Variants in PCBP3 observed in about 807,000 individuals in gnomAD.
PCBP3 encodes poly(rC)-binding protein 3.
Under a neutral mutation model 52.7 loss-of-function variants are expected in PCBP3, and 25 were observed. The ratio of observed to expected loss-of-function variants is 0.47; its 90% CI spans 0.35 to 0.66. PCBP3 has a LOEUF of 0.66. Among genes scored for constraint, PCBP3 ranks in the 30% least tolerant of loss-of-function variants. The pLI is 0.01. For synonymous variants in PCBP3, 162 were observed against 183.0 expected, an observed-to-expected ratio of 0.89 and a Z score of 0.93; for missense variants, 391 against 490.3, an observed-to-expected ratio of 0.80 and a Z score of 1.91.
At chr21:45,751,447 T>C (rs1411235284) in intron 3 of PCBP3, 1 of 152,220 alleles carries the variant, frequency 6.6e-6, no homozygotes, top group Non-Finnish European at 1.5e-5. Flanking sequence ...TTTTGTACTT[T>C]GTGTTTTCTA....
At chr21:45,893,857 C>T (rs1485811368) in intron 5 of PCBP3, 35 of 985,248 alleles carry the variant, frequency 3.6e-5, no homozygotes, top group Admixed American at 1.8e-4. Flanking sequence ...GCCAGTGGTC[C>T]GAGCATGGGC....
At chr21:45,843,831 C>T (rs2093748412) in intron 4 of PCBP3, among the ~76,000 whole-genome samples, 1 of 152,144 alleles carries the variant, frequency 6.6e-6, no homozygotes, top group Admixed American at 6.6e-5. Flanking sequence ...GAATGTGTTA[C>T]CTCTGCTTGT....
At chr21:45,925,072 CGT>C (rs2075189351) in intron 13 of PCBP3, among the ~76,000 whole-genome samples, 1 of 90,156 alleles carries the variant, frequency 1.1e-5, no homozygotes, top group Non-Finnish European at 2.3e-5. Context: ...ATCGGGTGTG[CGT>C]GAGGAGATGC....
intron 4 of PCBP3, among the ~76,000 whole-genome samples, chr21:45,807,688 A>G (rs536076168): frequency 6.6e-6 from 1 of 152,226 alleles, no homozygotes; most frequent in East Asian, 1.9e-4. Context: ...AAACTACTCT[A>G]AATTTCATAT....
At chr21:45,906,886 G>A (rs1013552432) in intron 9 of PCBP3, among the ~76,000 whole-genome samples, 2 of 152,210 alleles carry the variant, frequency 1.3e-5, no homozygotes, top group African/African-American at 4.8e-5. Context: ...GAGAAAACAC[G>A]GCGGGTGATT....
chr21:45,815,128 G>A (rs2092856827), intron 4 of PCBP3, among the ~76,000 whole-genome samples: 2 of 94,112 alleles, frequency 2.1e-5, no homozygotes, highest in African/African-American at 4.5e-5. Context: ...AGTGGTGAGT[G>A]GTGAGTGAGT....
At chr21:45,779,527 A>T (rs970408575) in intron 4 of PCBP3, among the ~76,000 whole-genome samples, 1 of 152,142 alleles carries the variant, frequency 6.6e-6, no homozygotes, top group Non-Finnish European at 1.5e-5. Context: ...GTGACCGTAC[A>T]TTCTTTTGGT....
intron 5 of PCBP3, among the ~76,000 whole-genome samples, chr21:45,892,002 A>G (rs34530304): frequency 0.25 from 38,302 of 152,190 alleles, 5,492 homozygotes; most frequent in African/African-American, 0.4. Context: ...CAGGGTCAGA[A>G]TCTAATGTAA....
chr21:45,840,456 C>CAAAA (rs36059363), intron 4 of PCBP3, among the ~76,000 whole-genome samples: 5 of 87,996 alleles, frequency 5.7e-5, no homozygotes, highest in African/African-American at 2.4e-4. Context: ...GACCCTGTCT[C>CAAAA]AAAAAAAAAA....
At chr21:45,721,936 C>T (rs911038240) in intron 2 of PCBP3, among the ~76,000 whole-genome samples, 5 of 152,162 alleles carry the variant, frequency 3.3e-5, no homozygotes, top group African/African-American at 7.2e-5. Context: ...CTTCTGGGGG[C>T]TCTTTGTTCA....
intron 2 of PCBP3, among the ~76,000 whole-genome samples, chr21:45,718,101 A>T (rs1223244484): frequency 2.0e-5 from 3 of 151,598 alleles, no homozygotes; most frequent in African/African-American, 7.3e-5. Context: ...CTTTTTGTTG[A>T]TATAAAATTG....
chr21:45,927,254 C>T (rs1488152184), intron 13 of PCBP3, among the ~76,000 whole-genome samples: 1 of 148,794 alleles, frequency 6.7e-6, no homozygotes, highest in Non-Finnish European at 1.5e-5. Flanking sequence ...GGATACATCC[C>T]CTGCCCATCC....
At chr21:45,784,540 C>T (rs1278446589) in intron 4 of PCBP3, among the ~76,000 whole-genome samples, 1 of 152,170 alleles carries the variant, frequency 6.6e-6, no homozygotes, top group Non-Finnish European at 1.5e-5. Context: ...GCTGCCATCT[C>T]GGCTCACTGC....
intron 2 of PCBP3, among the ~76,000 whole-genome samples, chr21:45,695,259 G>T (rs1384605792): frequency 1.3e-5 from 2 of 152,204 alleles, no homozygotes. Context: ...TGACCAGTTG[G>T]CATAGTGGTG....
At chr21:45,894,921 C>T (rs1321874786) in intron 5 of PCBP3, among the ~76,000 whole-genome samples, 8 of 152,194 alleles carry the variant, frequency 5.3e-5, no homozygotes, top group Admixed American at 2.0e-4. Flanking sequence ...CAAATTAATA[C>T]AAATACTATT....
At chr21:45,900,932 G>T (rs866510988) in intron 8 of PCBP3, 65 bp from the exon 9 acceptor site, 1 of 1,129,526 alleles carries the variant, frequency 8.9e-7, no homozygotes, top group Non-Finnish European at 1.4e-6. Context: ...ACGGACTTGC[G>T]GCCCCCGACC....
At chr21:45,674,608 G>T (rs2081357118) in intron 2 of PCBP3, among the ~76,000 whole-genome samples, 1 of 152,088 alleles carries the variant, frequency 6.6e-6, no homozygotes, top group Non-Finnish European at 1.5e-5. Flanking sequence ...AGGTTATGTT[G>T]CTTACTAAAA....
intron 17 of PCBP3, 101 bp from the exon 18 acceptor site, chr21:45,941,569 C>T (rs2077473937): frequency 6.5e-6 from 7 of 1,069,314 alleles, no homozygotes; most frequent in South Asian, 3.0e-5. Flanking sequence ...GATGGCCTGT[C>T]CCAGCGAGCA....
At chr21:45,930,062 G>C (rs768517021) in intron 14 of PCBP3, 67 bp downstream of exon 14, 21 of 1,171,256 alleles carry the variant, frequency 1.8e-5, no homozygotes, top group Non-Finnish European at 2.7e-5. Flanking sequence ...TCTGAGCTGT[G>C]TTATTCGGTG....
Sources: gnomAD v4.1 joint callset for allele counts (sites outside exome capture counted in the v4.1 genomes callset) on GRCh38, gnomAD v4.1.1 for gene constraint, MANE v1.5 for transcripts, NCBI Gene and HGNC (gene_info 2026-07-23, HGNC 2026-07-21) for gene names.